Variants in ZNF644 observed in about 807,000 individuals in gnomAD.
The protein encoded by ZNF644 is zinc finger protein 644, also known as zinc finger motif enhancer binding protein 2.
In ZNF644, 20 loss-of-function variants were observed where a neutral mutation model predicts 108.0. That is an observed-to-expected ratio of 0.19 (90% CI 0.13 to 0.27). The LOEUF (loss-of-function observed/expected upper bound fraction) is 0.27, where lower values mean the gene tolerates loss of function less well. Among genes scored for constraint, ZNF644 ranks in the 10% least tolerant of loss-of-function variants. The pLI is 1.00. For missense variants in ZNF644, 1,338 were observed against 1,548.9 expected (o/e 0.86, Z 2.29); for synonymous variants, 542 against 539.1 (o/e 1.01, Z -0.08).
rs1648785372 is a variant in ZNF644 at position 90,916,595 on chromosome 1, TA to T, written c.*202del. 16 of 603,072 alleles carry T rather than the reference TA, an allele frequency of 2.7e-5. No homozygotes were observed. In the South Asian group the frequency reaches 2.8e-4, roughly 11 times the overall value. The allele number at this position is 603,072 out of a possible 1,614,324, so 37.4% of individuals were successfully genotyped here. A position where few individuals can be genotyped will look rare whatever the true frequency, so the allele number is the denominator to read the frequency against. The stretch of plus-strand genomic sequence containing the variant: ...TTAACCAACAAAACTTCATAAACCT[TA>T]AAAACACATCTTCCACCCTATATAA... On this transcript the variant is annotated 3_prime_UTR_variant, in exon 6 of 6. Transcript: ENST00000337393.
At chr1:91,000,333 A>T (rs1204028041) in intron 1 of ZNF644, among the ~76,000 whole-genome samples, 1 of 152,222 alleles carries the variant, frequency 6.6e-6, no homozygotes, top group Non-Finnish European at 1.5e-5. Context: ...ATTATAACAA[A>T]CTGTCTCTCA....
intron 2 of ZNF644, among the ~76,000 whole-genome samples, chr1:90,976,322 G>A (rs1656004176): frequency 6.6e-6 from 1 of 152,022 alleles, no homozygotes; most frequent in Non-Finnish European, 1.5e-5. Flanking sequence ...TTCATCACTT[G>A]TACTATAACT....
At chr1:90,918,366 G>GAATA in intron 4 of ZNF644, 1 of 560,220 alleles carries the variant, frequency 1.8e-6, no homozygotes, top group Non-Finnish European at 3.2e-6. Context: ...CTGTACTGAA[G>GAATA]AATACTATCT....
At chr1:90,980,414 T>C (rs149908843) in intron 2 of ZNF644, among the ~76,000 whole-genome samples, 2 of 152,318 alleles carry the variant, frequency 1.3e-5, no homozygotes, top group African/African-American at 2.4e-5. Flanking sequence ...CATTCTGGCA[T>C]AGCTACGGTG....
intron 2 of ZNF644, among the ~76,000 whole-genome samples, chr1:90,977,030 G>C (rs1186201534): frequency 2.0e-5 from 3 of 147,816 alleles, no homozygotes; most frequent in South Asian, 2.1e-4. Context: ...AAGTTTTCTA[G>C]AATTAAATAC....
At chr1:90,999,371 G>C (rs544514995) in intron 1 of ZNF644, among the ~76,000 whole-genome samples, 2 of 152,300 alleles carry the variant, frequency 1.3e-5, no homozygotes, top group South Asian at 4.1e-4. Flanking sequence ...AGCCAGAAGA[G>C]AGTGGTGGCA....
At chr1:90,933,347 A>C (rs1035035670) in intron 4 of ZNF644, among the ~76,000 whole-genome samples, 2 of 152,106 alleles carry the variant, frequency 1.3e-5, no homozygotes, top group African/African-American at 4.8e-5. Context: ...TTCAGTCTTC[A>C]CCAGAATAGT....
intron 1 of ZNF644, among the ~76,000 whole-genome samples, chr1:90,992,587 A>G (rs2101601075): frequency 6.6e-6 from 1 of 152,320 alleles, no homozygotes; most frequent in South Asian, 2.1e-4. Flanking sequence ...TACCTGCCCC[A>G]ATTTCTATAT....
At chr1:90,999,947 T>C (rs1658590202) in intron 1 of ZNF644, among the ~76,000 whole-genome samples, 2 of 152,162 alleles carry the variant, frequency 1.3e-5, no homozygotes, top group South Asian at 4.2e-4. Context: ...AAGAAGGCCA[T>C]TACATAATGG....
At position 90,991,188 on chromosome 1, in the gene ZNF644, T is replaced by C. The variant is rs772417055; in HGVS notation, c.-17-8818A>G. Among the ~76,000 whole-genome samples, 20 of 152,304 alleles carry C rather than the reference T, an allele frequency of 1.3e-4. 1 individual carries two copies. The Middle Eastern group carries it at 0.01, about 78-fold the overall frequency. On this transcript the variant is annotated intron_variant, in intron 1 of 5. Coordinates refer to ENST00000337393, the MANE Select transcript of ZNF644 (RefSeq NM_201269.3). ...CAAGCATATCAAAAGATGCTCAGTA[T>C]CATTTGTTACTGGGAAACTGCAAAT...
chr1:90,927,923 A>C (rs570509671), intron 4 of ZNF644, among the ~76,000 whole-genome samples: 15 of 151,984 alleles, frequency 9.9e-5, no homozygotes, highest in African/African-American at 3.6e-4. Flanking sequence ...AGCTCACTGC[A>C]ATCTCCACCT....
At position 90,941,267 on chromosome 1, in the gene ZNF644, C is replaced by T; in HGVS notation, c.87G>A (p.Leu29=). Residue 29 remains leucine (L), a synonymous_variant, in exon 3 of 6, where the codon TTG becomes TTA. Transcript: ENST00000337393. The part of the protein sequence containing the change: ...LNGLANNMDD[L]KINTDITGAK... Reference sequence around the variant, plus strand: ...CACCAGTAATATCGGTGTTTATCTTCAAATCATCCATATTGTTGGCAAGCC... The same window carrying T: ...CACCAGTAATATCGGTGTTTATCTTTAAATCATCCATATTGTTGGCAAGCC... 6.3e-7 allele frequency: 1 copy of T among 1,598,200 alleles called. No homozygotes were observed. The highest frequency in any genetic ancestry group is 1.8e-5 in the Admixed American group (1 of 55,672).
chr1:90,995,964 G>T (rs1181764243), intron 1 of ZNF644, among the ~76,000 whole-genome samples: 1 of 152,164 alleles, frequency 6.6e-6, no homozygotes, highest in African/African-American at 2.4e-5. Flanking sequence ...AATTTCTGTT[G>T]TTTGTAAGCC....
intron 1 of ZNF644, 77 bp downstream of exon 1, chr1:91,021,913 C>A: frequency 2.5e-6 from 1 of 399,288 alleles, no homozygotes; most frequent in Non-Finnish European, 4.4e-6. Context: ...ACCCTCAGTC[C>A]CGCCGCTGCC....
chr1:91,005,195 GC>G (rs1473377837), intron 1 of ZNF644, among the ~76,000 whole-genome samples: 11 of 152,188 alleles, frequency 7.2e-5, no homozygotes, highest in African/African-American at 2.6e-4. Flanking sequence ...TATTCTCACA[GC>G]AGAAACAACA....
chr1:91,001,266 C>T (rs1052774329), intron 1 of ZNF644, among the ~76,000 whole-genome samples: 18 of 152,132 alleles, frequency 1.2e-4, no homozygotes, highest in African/African-American at 3.6e-4. Flanking sequence ...CCCTGATGAA[C>T]ATCGATGCAA....
At chr1:90,948,556 A>C (rs1050538899) in intron 2 of ZNF644, among the ~76,000 whole-genome samples, 1 of 152,258 alleles carries the variant, frequency 6.6e-6, no homozygotes, top group Non-Finnish European at 1.5e-5. Context: ...ACTTGACACC[A>C]TCTATGGATA....
intron 2 of ZNF644, among the ~76,000 whole-genome samples, chr1:90,978,538 G>C (rs1227105702): frequency 6.6e-6 from 1 of 152,070 alleles, no homozygotes; most frequent in Non-Finnish European, 1.5e-5. Flanking sequence ...AGAAACTGAA[G>C]TACAGAGAGG....
chr1:91,013,467 A>T (rs1430867718), intron 1 of ZNF644, among the ~76,000 whole-genome samples: 2 of 149,302 alleles, frequency 1.3e-5, no homozygotes, highest in African/African-American at 2.6e-5. Flanking sequence ...ACACACACAC[A>T]CACACACACA....
Sources: allele counts gnomAD v4.1 joint callset (sites outside exome capture counted in the v4.1 genomes callset), GRCh38; gene constraint gnomAD v4.1.1; transcripts MANE v1.5; gene names NCBI Gene and HGNC (gene_info 2026-07-23, HGNC 2026-07-21).